ARHGAP44: variants seen among roughly 807,000 people sequenced by gnomAD.
ARHGAP44 encodes the protein rho GTPase-activating protein 44.
ARHGAP44 carries 43 observed loss-of-function variants against 106.8 expected under a neutral mutation model. The ratio of observed to expected loss-of-function variants is 0.40; its 90% CI spans 0.32 to 0.52. The LOEUF (loss-of-function observed/expected upper bound fraction) is 0.52. Ranked by LOEUF, ARHGAP44 falls within the 20% of genes least tolerant of loss-of-function variation. The pLI is 0.48. For missense variants in ARHGAP44, 866 were observed against 1,050.5 expected (o/e 0.82, Z 2.43); for synonymous variants, 439 against 410.3 (o/e 1.07, Z -0.85).
intron 1 of ARHGAP44, among the ~76,000 whole-genome samples, chr17:12,810,238 A>G (rs946163593): frequency 2.6e-5 from 4 of 152,204 alleles, no homozygotes; most frequent in Admixed American, 2.6e-4. Flanking sequence ...GTGGCTTAAA[A>G]CAAACAGAAG....
chr17:12,833,627 T>C (rs1416700481), intron 1 of ARHGAP44, among the ~76,000 whole-genome samples: 2 of 152,168 alleles, frequency 1.3e-5, no homozygotes, highest in East Asian at 1.9e-4. Flanking sequence ...GAGTGAAATA[T>C]GAGTGATGCA....
chr17:12,945,670 C>T (rs141029750), intron 10 of ARHGAP44, among the ~76,000 whole-genome samples: 1 of 152,242 alleles, frequency 6.6e-6, no homozygotes, highest in African/African-American at 2.4e-5. Context: ...TGGCATGCTT[C>T]CTGTAGGCCA....
At chr17:12,868,843 A>T (rs1033505186) in intron 1 of ARHGAP44, among the ~76,000 whole-genome samples, 1 of 151,092 alleles carries the variant, frequency 6.6e-6, no homozygotes, top group Non-Finnish European at 1.5e-5. Flanking sequence ...TTTTTAGTAG[A>T]GACAGGGTCT....
In ARHGAP44 at chr17:12,926,517, C is replaced by T. The variant is rs566146648; in HGVS notation, c.465-2412C>T. ...AATATATGTATATATATTATATATG[C>T]ATATATATTATACATACATATATAT... On this transcript the variant is annotated intron_variant, in intron 6 of 20. Transcript: ENST00000379672. Among the ~76,000 whole-genome samples the T allele has an allele frequency of 2.5e-3, 350 of 140,310 alleles. 8 individuals carry two copies. The East Asian group carries it at 0.041, about 16-fold the overall frequency. The allele number at this position is 140,310 out of a possible 152,430, so 92.0% of individuals were successfully genotyped here. A position where few individuals can be genotyped will look rare whatever the true frequency, so the allele number is the denominator to read the frequency against.
intron 1 of ARHGAP44, among the ~76,000 whole-genome samples, chr17:12,795,281 G>A (rs1252322937): frequency 2.0e-5 from 3 of 152,210 alleles, no homozygotes; most frequent in African/African-American, 7.2e-5. Flanking sequence ...CTAACCCACC[G>A]ATTACTGGGT....
chr17:12,985,172 T>C, intron 20 of ARHGAP44: 1 of 431,952 alleles, frequency 2.3e-6, no homozygotes, highest in Non-Finnish European at 4.1e-6. Context: ...TTTGCTCTTA[T>C]TATCGGGGGT....
In ARHGAP44 at chr17:12,978,035, T is replaced by TAAAAAAAAAAAAAAAAAAAAAAAAAA. The variant is rs757585682; in HGVS notation, c.1764-2023_1764-2022insAAAAAAAAAAAAAAAAAAAAAAAAAA. On this transcript the variant is annotated intron_variant, in intron 18 of 20. Coordinates refer to ENST00000379672, the MANE Select transcript of ARHGAP44 (RefSeq NM_014859.6). ...CTGGGCAACAGAGCAAGACTCCATC[T>TAAAAAAAAAAAAAAAAAAAAAAAAAA]CAAAAAAAAAAAAAAAAAAAAGTGT... Among the ~76,000 whole-genome samples, 218 of 55,470 alleles carry TAAAAAAAAAAAAAAAAAAAAAAAAAA rather than the reference T, an allele frequency of 3.9e-3. 56 individuals carry two copies. Among genetic ancestry groups the TAAAAAAAAAAAAAAAAAAAAAAAAAA allele is most frequent in the African/African-American group, 7.6e-3 (81 of 10,708 alleles). 36.4% of individuals were successfully genotyped at this position (55,470 alleles called of 152,430 possible). A position where few individuals can be genotyped will look rare whatever the true frequency, so the allele number is the denominator to read the frequency against.
In ARHGAP44 at chr17:12,991,384, A is replaced by G. The variant is rs1801842; in HGVS notation, c.*1213A>G. The G allele has an allele frequency of 6.4e-6, 1 of 156,700 alleles. No homozygotes were observed. Among genetic ancestry groups the G allele is most frequent in the South Asian group, 2.1e-4 (1 of 4,856 alleles). The allele number at this position is 156,700 out of a possible 1,614,324, so 9.7% of individuals were successfully genotyped here. A position where few individuals can be genotyped will look rare whatever the true frequency, so the allele number is the denominator to read the frequency against. ...TTGTTTAATTTGAGCCATTCAATCT[A>G]AACCAATGTACAGGTGTACAATGAA... On this transcript the variant is annotated 3_prime_UTR_variant, in exon 21 of 21. Coordinates refer to ENST00000379672, the MANE Select transcript of ARHGAP44 (RefSeq NM_014859.6).
chr17:12,822,069 G>A (rs1046109789), intron 1 of ARHGAP44, among the ~76,000 whole-genome samples: 2 of 152,182 alleles, frequency 1.3e-5, no homozygotes, highest in African/African-American at 4.8e-5. Flanking sequence ...AGTATTGAGA[G>A]TCTGAGCCTG....
In ARHGAP44 at chr17:12,949,871, C is replaced by T. The variant is rs141646298; in HGVS notation, c.1055+141C>T. On this transcript the variant is annotated intron_variant, in intron 12 of 20. Transcript: ENST00000379672. This position sits in a 1 kb window ranked among gnomAD's most constrained non-coding sequence, Gnocchi z 4.1. ...ATGAAGGAGTGCTTATACATTTGCC[C>T]AAGGAGGCAGGTCCAGGGATATTGA... The T allele has an allele frequency of 2.4e-5, 19 of 778,946 alleles. No homozygotes were observed. The East Asian group carries it at 4.3e-4, about 18-fold the overall frequency. 48.3% of individuals were successfully genotyped at this position (778,946 alleles called of 1,614,324 possible).
chr17:12,868,135 C>T (rs2150877096), intron 1 of ARHGAP44, among the ~76,000 whole-genome samples: 1 of 152,246 alleles, frequency 6.6e-6, no homozygotes, highest in East Asian at 1.9e-4. Flanking sequence ...GCTGGAAGTC[C>T]ATGAAAGAGG....
chr17:12,945,496 G>A (rs184865088), intron 10 of ARHGAP44, among the ~76,000 whole-genome samples: 2 of 152,244 alleles, frequency 1.3e-5, no homozygotes, highest in African/African-American at 4.8e-5. Context: ...ATGAAATAGT[G>A]AGATAGGAGA....
chr17:12,825,010 A>G (rs2034878024), intron 1 of ARHGAP44, among the ~76,000 whole-genome samples: 1 of 151,882 alleles, frequency 6.6e-6, no homozygotes. Flanking sequence ...CTTAGTTTCT[A>G]ACTACATGCT....
chr17:12,922,387 G>A lies in ARHGAP44; in HGVS notation c.464+2556G>A, dbSNP rs1040348070. Among the ~76,000 whole-genome samples, 8 of 152,184 alleles carry A rather than the reference G, an allele frequency of 5.3e-5. No homozygotes were observed. The South Asian group carries it at 1.0e-3, about 20-fold the overall frequency. On this transcript the variant is annotated intron_variant, in intron 6 of 20. Coordinates refer to ENST00000379672, the MANE Select transcript of ARHGAP44 (RefSeq NM_014859.6). Reference sequence around the variant, plus strand: ...TATTACCTCTATGACCTTGTGCCACGTAAAATTGCATCCCATAATATGAGT... The same window carrying A: ...TATTACCTCTATGACCTTGTGCCACATAAAATTGCATCCCATAATATGAGT...
At chr17:12,975,985 G>A (rs2039671589) in intron 18 of ARHGAP44, among the ~76,000 whole-genome samples, 1 of 151,934 alleles carries the variant, frequency 6.6e-6, no homozygotes, top group African/African-American at 2.4e-5. Context: ...GATTCTGGAT[G>A]TGAGAATTGC....
At chr17:12,896,087 A>G (rs1228774084) in intron 2 of ARHGAP44, among the ~76,000 whole-genome samples, 1 of 123,718 alleles carries the variant, frequency 8.1e-6, no homozygotes, top group Non-Finnish European at 1.6e-5. Flanking sequence ...GGAACATCAC[A>G]CACCAGGGCC....
Position 12,990,238 on chromosome 17 carries a change from G to T in ARHGAP44, c.*67G>T, listed in dbSNP as rs933056012. 5.8e-6 allele frequency: 9 copies of T among 1,541,136 alleles called. No individual in the cohort carries two copies. In the East Asian group the frequency reaches 1.4e-4, roughly 25 times the overall value. On this transcript the variant is annotated 3_prime_UTR_variant, in exon 21 of 21. Coordinates refer to ENST00000379672, the MANE Select transcript of ARHGAP44 (RefSeq NM_014859.6). Reference sequence around the variant, plus strand: ...GGCCCTAGGAACGCCGCCAGGAGCAGCGTCCATGAGCTTGCCAAGTGTTCT... The same window carrying T: ...GGCCCTAGGAACGCCGCCAGGAGCATCGTCCATGAGCTTGCCAAGTGTTCT...
At chr17:12,922,692 A>G (rs896428296) in intron 6 of ARHGAP44, among the ~76,000 whole-genome samples, 27 of 152,164 alleles carry the variant, frequency 1.8e-4, no homozygotes, top group African/African-American at 6.3e-4. Flanking sequence ...TCCTGGTCAC[A>G]TTGATGGTCC....
At chr17:12,905,961 T>C (rs1021011733) in intron 3 of ARHGAP44, among the ~76,000 whole-genome samples, 7 of 152,224 alleles carry the variant, frequency 4.6e-5, no homozygotes, top group African/African-American at 1.7e-4. Flanking sequence ...TATTGCCATT[T>C]TGAGCCTAGT....
Sources: allele counts gnomAD v4.1 joint callset (sites outside exome capture counted in the v4.1 genomes callset), GRCh38; gene constraint gnomAD v4.1.1; non-coding constraint Gnocchi (gnomAD v3.1); transcripts MANE v1.5; gene names NCBI Gene and HGNC (gene_info 2026-07-23, HGNC 2026-07-21).